Variants in DDR2 observed in about 807,000 individuals in gnomAD.
The protein encoded by DDR2 is discoidin domain-containing receptor 2.
DDR2 carries 27 observed loss-of-function variants against 94.9 expected under a neutral mutation model. That is an observed-to-expected ratio of 0.28 (90% CI 0.21 to 0.39). The LOEUF (loss-of-function observed/expected upper bound fraction) is 0.39. DDR2 is among the 10% of genes least tolerant of loss of function. The pLI, the probability that DDR2 is intolerant of heterozygous loss-of-function variation, is 1.00. For missense variants in DDR2, 783 were observed against 1,076.0 expected (o/e 0.73, Z 3.81); for synonymous variants, 382 against 377.2 (o/e 1.01, Z -0.15).
chr1:162,717,934 T>C (rs1661243517), intron 2 of DDR2, among the ~76,000 whole-genome samples: 2 of 152,240 alleles, frequency 1.3e-5, no homozygotes, highest in South Asian at 2.1e-4. Context: ...ATGTGCAACT[T>C]ACTCTTAAGG....
chr1:162,651,606 T>C (rs1011135766), intron 1 of DDR2, among the ~76,000 whole-genome samples: 43 of 152,198 alleles, frequency 2.8e-4, no homozygotes, highest in Non-Finnish European at 5.9e-5. Flanking sequence ...CCAAGGAACA[T>C]GTTTCCTTCA....
At chr1:162,700,743 G>A (rs368166684) in intron 2 of DDR2, among the ~76,000 whole-genome samples, 1 of 152,146 alleles carries the variant, frequency 6.6e-6, no homozygotes, top group African/African-American at 2.4e-5. Context: ...CAAGACTTTG[G>A]AAGAGGTATT....
chr1:162,713,209 G>A (rs182544851), intron 2 of DDR2, among the ~76,000 whole-genome samples: 15 of 152,260 alleles, frequency 9.9e-5, no homozygotes, highest in Non-Finnish European at 1.5e-5. Flanking sequence ...TGCAAGATGT[G>A]CTAAGACATT....
In DDR2 at chr1:162,741,304, T is replaced by C. The variant is rs1484317450; in HGVS notation, c.83-11791T>C. Among the ~76,000 whole-genome samples the C allele has an allele frequency of 4.1e-5, 6 of 146,280 alleles. No individual in the cohort carries two copies. In the South Asian group the frequency reaches 1.1e-3, roughly 26 times the overall value. On this transcript the variant is annotated intron_variant, in intron 3 of 17. Coordinates refer to ENST00000367921, the MANE Select transcript of DDR2 (RefSeq NM_006182.4). ...TAATATAATATAATATAATATAATATAATATAATATAATATAAATTTACCC... is the reference window on the plus strand; with the variant it reads ...TAATATAATATAATATAATATAATACAATATAATATAATATAAATTTACCC...
At chr1:162,647,458 G>A (rs1657470842) in intron 1 of DDR2, among the ~76,000 whole-genome samples, 1 of 152,210 alleles carries the variant, frequency 6.6e-6, no homozygotes, top group South Asian at 2.1e-4. Context: ...AAGAGTTCTG[G>A]GCAAGTCTAT....
chr1:162,647,378 A>G (rs1292805426), intron 1 of DDR2, among the ~76,000 whole-genome samples: 3 of 152,168 alleles, frequency 2.0e-5, no homozygotes, highest in Non-Finnish European at 4.4e-5. Context: ...TCTAAGGTCA[A>G]TATGGATTTG....
intron 3 of DDR2, among the ~76,000 whole-genome samples, chr1:162,744,826 T>G (rs1030720511): frequency 3.3e-5 from 5 of 152,220 alleles, no homozygotes; most frequent in Admixed American, 2.0e-4. Flanking sequence ...AGGGCAGATA[T>G]CTCTTCAAGA....
rs139107357 is a variant in DDR2 at position 162,740,465 on chromosome 1, T to C, written c.83-12630T>C. Among the ~76,000 whole-genome samples, 356 of 152,308 alleles carry C rather than the reference T, an allele frequency of 2.3e-3. 3 individuals are homozygous for C. Among genetic ancestry groups the C allele is most frequent in the African/African-American group, 8.2e-3 (341 of 41,556 alleles). On this transcript the variant is annotated intron_variant, in intron 3 of 17. Transcript: ENST00000367921. Reference sequence around the variant, plus strand: ...TTTTTCCTCAAGTTTACCTTTGCATTTGCTGTTCCCCTTGCATAAACCATC... The same window carrying C: ...TTTTTCCTCAAGTTTACCTTTGCATCTGCTGTTCCCCTTGCATAAACCATC...
chr1:162,706,718 G>A (rs1310406273), intron 2 of DDR2, among the ~76,000 whole-genome samples: 1 of 152,124 alleles, frequency 6.6e-6, no homozygotes, highest in Non-Finnish European at 1.5e-5. Context: ...TAGAGAGGAG[G>A]GCTCTTTACT....
At chr1:162,653,339 G>T (rs538564304) in intron 1 of DDR2, among the ~76,000 whole-genome samples, 1 of 152,102 alleles carries the variant, frequency 6.6e-6, no homozygotes, top group African/African-American at 2.4e-5. Context: ...CACTTTGGGA[G>T]GCCAAGGTGA....
chr1:162,653,849 A>G (rs1051432980), intron 1 of DDR2, among the ~76,000 whole-genome samples: 8 of 152,192 alleles, frequency 5.3e-5, no homozygotes, highest in African/African-American at 1.9e-4. Context: ...AGGAAACTAG[A>G]AGCCGGAGGA....
At chr1:162,714,984 A>G (rs1381133287) in intron 2 of DDR2, among the ~76,000 whole-genome samples, 1 of 152,200 alleles carries the variant, frequency 6.6e-6, no homozygotes, top group Admixed American at 6.5e-5. Context: ...GCTCCTTGAC[A>G]TGCTTCCATG....
At chr1:162,682,213 G>T (rs1659444900) in intron 2 of DDR2, among the ~76,000 whole-genome samples, 1 of 152,176 alleles carries the variant, frequency 6.6e-6, no homozygotes, top group African/African-American at 2.4e-5. Context: ...TGCTCTGTTT[G>T]CCCAGGCTTA....
At position 162,633,391 on chromosome 1, in the gene DDR2, C is replaced by T. The variant is rs188926520; in HGVS notation, c.-192+760C>T. On this transcript the variant is annotated intron_variant, in intron 1 of 17. Transcript: ENST00000367921. Reference sequence around the variant, plus strand: ...AGACCAGCCATTTGAGGCAAGAGTTCGTACTGTTCAAGCCAGTAGGGGGTT... The same window carrying T: ...AGACCAGCCATTTGAGGCAAGAGTTTGTACTGTTCAAGCCAGTAGGGGGTT... Among the ~76,000 whole-genome samples, 703 of 152,252 alleles carry T rather than the reference C, an allele frequency of 4.6e-3. 2 individuals are homozygous for T. Among genetic ancestry groups the T allele is most frequent in the African/African-American group, 0.016 (653 of 41,546 alleles).
intron 2 of DDR2, among the ~76,000 whole-genome samples, chr1:162,656,349 G>T (rs541852163): frequency 6.6e-6 from 1 of 152,326 alleles, no homozygotes; most frequent in South Asian, 2.1e-4. Context: ...TGATTATTGG[G>T]ATAAGGGTGG....
At chr1:162,703,539 G>A (rs907969713) in intron 2 of DDR2, among the ~76,000 whole-genome samples, 1 of 152,100 alleles carries the variant, frequency 6.6e-6, no homozygotes, top group African/African-American at 2.4e-5. Flanking sequence ...AAGTTCCTGA[G>A]GTAGAAGAGA....
At chr1:162,701,986 T>A (rs1203380325) in intron 2 of DDR2, among the ~76,000 whole-genome samples, 1 of 152,196 alleles carries the variant, frequency 6.6e-6, no homozygotes, top group Admixed American at 6.5e-5. Flanking sequence ...TCACCACTTT[T>A]CTCTTCCCAC....
chr1:162,635,182 T>C (rs1176205955), intron 1 of DDR2, among the ~76,000 whole-genome samples: 1 of 152,216 alleles, frequency 6.6e-6, no homozygotes, highest in Admixed American at 6.5e-5. Context: ...ACTCGCACTT[T>C]TCTTTCCTTC....
At chr1:162,774,810 G>A (rs73026577) in intron 14 of DDR2, among the ~76,000 whole-genome samples, 1,890 of 152,248 alleles carry the variant, frequency 0.012, 39 homozygotes, top group African/African-American at 0.043. Flanking sequence ...GGTTTGAGAC[G>A]GAAGGGGGAA....
Sources: allele counts gnomAD v4.1 joint callset (sites outside exome capture counted in the v4.1 genomes callset), GRCh38; gene constraint gnomAD v4.1.1; transcripts MANE v1.5; gene names NCBI Gene and HGNC (gene_info 2026-07-23, HGNC 2026-07-21).